ASPSCR1: variants seen among roughly 807,000 people sequenced by gnomAD.
The protein encoded by ASPSCR1 is ASPSCR1 tether for SLC2A4, UBX domain containing.
In ASPSCR1, 55 loss-of-function variants were observed where a neutral mutation model predicts 68.9. The observed-to-expected ratio is 0.80, with a 90% CI of 0.64 to 1.00. The LOEUF (loss-of-function observed/expected upper bound fraction) is 1.00, where lower values mean the gene tolerates loss of function less well. Among genes scored for constraint, ASPSCR1 ranks in the 50% least tolerant of loss-of-function variants. ASPSCR1 has a pLI of 0.00. For synonymous variants in ASPSCR1, 352 were observed against 332.6 expected (o/e 1.06, Z -0.63); for missense variants, 765 against 762.2 (o/e 1.00, Z -0.04).
At chr17:81,995,629 C>A in intron 5 of ASPSCR1, 1 of 447,836 alleles carries the variant, frequency 2.2e-6, no homozygotes, top group Non-Finnish European at 4.1e-6. Flanking sequence ...TGGCCACCCC[C>A]GTGGGTGACA....
At chr17:81,989,584 G>C (rs1237811489) in intron 4 of ASPSCR1, among the ~76,000 whole-genome samples, 1 of 152,218 alleles carries the variant, frequency 6.6e-6, no homozygotes, top group African/African-American at 2.4e-5. Context: ...GAGGCTGGGG[G>C]CTGCAGGCCT....
chr17:82,005,688 T>A (rs989523825), intron 7 of ASPSCR1: 1 of 152,296 alleles, frequency 6.6e-6, no homozygotes, highest in African/African-American at 2.4e-5. Flanking sequence ...GACAGTGGTA[T>A]GGCATCCAGT....
intron 5 of ASPSCR1, chr17:81,995,303 G>A (rs949332624): frequency 1.7e-5 from 6 of 358,080 alleles, no homozygotes; most frequent in African/African-American, 4.2e-5. Context: ...GCACTGGCCC[G>A]GAGGGGCCCT....
In ASPSCR1 at chr17:81,996,514, C is replaced by T. The variant is rs1277618403; in HGVS notation, c.601C>T (p.Pro201Ser). ...CCAGGCAGCCGCCAGCGCTCCACTTCCCTTGGAATCTGGGGAGCTCAGCCG... is the reference window on the plus strand; with the variant it reads ...CCAGGCAGCCGCCAGCGCTCCACTTTCCTTGGAATCTGGGGAGCTCAGCCG... ...AGQAAASAPL[P>S]LESGELSRGD... The change falls in exon 7 of 16, where the codon CCC becomes TCC. Residue 201 changes from proline (P) to serine (S), a missense_variant. Coordinates refer to ENST00000306739, the MANE Select transcript of ASPSCR1 (RefSeq NM_024083.4). The T allele has an allele frequency of 6.2e-7, 1 of 1,612,768 alleles. No homozygotes were observed. Among genetic ancestry groups the T allele is most frequent in the Non-Finnish European group, 8.5e-7 (1 of 1,179,676 alleles).
chr17:82,009,183 G>A lies in ASPSCR1; in HGVS notation c.1080G>A (p.Lys360=). 1 of 1,607,230 alleles carries A rather than the reference G, an allele frequency of 6.2e-7. No individual in the cohort carries two copies. The highest frequency in any genetic ancestry group is 8.5e-7 in the Non-Finnish European group (1 of 1,176,764). ...DDVRRRLAQL[K]SERKRLEEAP... is the part of the protein sequence containing the mutation. ...TGAGAAGACGCTTGGCCCAGCTCAA[G>A]AGTGAGCGGTGGGTGCCCCCTCAGT... is the stretch of plus-strand genomic sequence containing the variant. Residue 360 remains lysine (K), a synonymous_variant, in exon 8 of 16, where the codon AAG becomes AAA. Coordinates refer to ENST00000306739, the MANE Select transcript of ASPSCR1 (RefSeq NM_024083.4).
Position 81,987,968 on chromosome 17 carries a change from G to GC in ASPSCR1, c.374+2363dup, listed in dbSNP as rs1199577621. Among the ~76,000 whole-genome samples, 1 of 151,928 alleles carries GC rather than the reference G, an allele frequency of 6.6e-6. No individual in the cohort carries two copies. Among genetic ancestry groups the GC allele is most frequent in the African/African-American group, 2.4e-5 (1 of 41,360 alleles). On this transcript the variant is annotated intron_variant, in intron 4 of 15. Coordinates refer to ENST00000306739, the MANE Select transcript of ASPSCR1 (RefSeq NM_024083.4). The surrounding 1 kb of genome is among the most constrained non-coding windows in gnomAD (Gnocchi z 5.6). Reference sequence around the variant, plus strand: ...AGGTCAGGAGTTCGAGACCAGCCTGGCCAATATGGTGAAACTCCATCTCTA... The same window carrying GC: ...AGGTCAGGAGTTCGAGACCAGCCTGGCCCAATATGGTGAAACTCCATCTCTA...
chr17:81,990,506 C>T lies in ASPSCR1; in HGVS notation c.375-4315C>T, dbSNP rs1216364074. ...CTGTGTCTGAGTTTGGGATCTTCCACGCCGAGCTCTGGGGGACACTGCTCT... is the reference window on the plus strand; with the variant it reads ...CTGTGTCTGAGTTTGGGATCTTCCATGCCGAGCTCTGGGGGACACTGCTCT... On this transcript the variant is annotated intron_variant, in intron 4 of 15. Transcript: ENST00000306739. This position sits in a 1 kb window ranked among gnomAD's most constrained non-coding sequence, Gnocchi z 4.1. Among the ~76,000 whole-genome samples the T allele has an allele frequency of 6.6e-5, 10 of 151,246 alleles. No homozygotes were observed. Among genetic ancestry groups the T allele is most frequent in the Admixed American group, 3.3e-4 (5 of 15,196 alleles).
intron 4 of ASPSCR1, among the ~76,000 whole-genome samples, chr17:81,985,907 G>A (rs2041979200): frequency 6.6e-6 from 1 of 151,980 alleles, no homozygotes; most frequent in African/African-American, 2.4e-5. Context: ...AGCACTAAGG[G>A]GAGACGTTCG....
At chr17:82,013,059 C>T (rs1419366842) in intron 12 of ASPSCR1, 1 of 152,148 alleles carries the variant, frequency 6.6e-6, no homozygotes, top group Non-Finnish European at 1.5e-5. Flanking sequence ...AGGTGAGAAG[C>T]TTGCTCACTG....
intron 9 of ASPSCR1, chr17:82,010,049 T>G (rs2042868733): frequency 2.9e-6 from 1 of 342,558 alleles, no homozygotes. Context: ...AGCTGGGATT[T>G]CAGGTACCCG....
intron 4 of ASPSCR1, among the ~76,000 whole-genome samples, chr17:81,993,776 C>A (rs1223666358): frequency 6.6e-6 from 1 of 152,386 alleles, no homozygotes. Context: ...TAATCTTTAT[C>A]CCCTGTGTTC....
At chr17:81,978,157 C>G (rs2041672444) in intron 1 of ASPSCR1, 1 of 155,260 alleles carries the variant, frequency 6.4e-6, no homozygotes. Context: ...GCCGTGGGGC[C>G]TGGAAGCGAT....
chr17:81,990,157 C>T lies in ASPSCR1; in HGVS notation c.374+4550C>T, dbSNP rs2042114258. Among the ~76,000 whole-genome samples the T allele has an allele frequency of 6.6e-6, 1 of 152,214 alleles. No homozygotes were observed. The highest frequency in any genetic ancestry group is 1.5e-5 in the Non-Finnish European group (1 of 68,048). On this transcript the variant is annotated intron_variant, in intron 4 of 15. Transcript: ENST00000306739. This position sits in a 1 kb window ranked among gnomAD's most constrained non-coding sequence, Gnocchi z 4.1. ...ATTTTAGTAATACGTGTAGTTAACT[C>T]AGTATACCCAAAATACGACTTCCTG...
At position 81,996,437 on chromosome 17, in the gene ASPSCR1, A is replaced by G. The variant is rs763824695; in HGVS notation, c.524A>G (p.Tyr175Cys). Residue 175 changes from tyrosine (Y) to cysteine (C), a missense_variant, in exon 7 of 16, where the codon TAC (tyrosine) becomes TGC (cysteine). Tyr to Cys is a radical substitution (Grantham distance 194). Coordinates refer to ENST00000306739, the MANE Select transcript of ASPSCR1 (RefSeq NM_024083.4). The part of the protein sequence containing the change: ...SATIRFVMKC[Y>C]DPVGKTPGSL... The stretch of plus-strand genomic sequence containing the variant: ...CCACTCAGGTTTGTCATGAAGTGCT[A>G]CGACCCCGTGGGCAAGACCCCAGGA... 4 of 1,597,820 alleles carry G rather than the reference A, an allele frequency of 2.5e-6. No homozygotes were observed. In the Admixed American group the frequency reaches 5.1e-5, roughly 21 times the overall value.
chr17:82,011,433 C>T (rs2042937692), intron 10 of ASPSCR1, 110 bp from the exon 11 acceptor site: 7 of 1,076,564 alleles, frequency 6.5e-6, no homozygotes, highest in South Asian at 6.4e-5. Flanking sequence ...GCTGAATTCC[C>T]ACCCCTCGGG....
rs187738018 is a variant in ASPSCR1, at chr17:81,993,358, C to T, written c.375-1463C>T. 2.5e-3 allele frequency among the ~76,000 whole-genome samples: 373 copies of T among 152,232 alleles called. 1 individual carries two copies. The highest frequency in any genetic ancestry group is 8.6e-3 in the African/African-American group (355 of 41,518). ...CCTCCCGAGTAGCTGGGACCACAGG[C>T]GCCCGCCACCACGCCTGGCTAATTT... On this transcript the variant is annotated intron_variant, in intron 4 of 15. Transcript: ENST00000306739.
intron 1 of ASPSCR1, 110 bp from the exon 2 acceptor site, chr17:81,979,074 G>A: frequency 8.4e-7 from 1 of 1,190,642 alleles, no homozygotes; most frequent in Non-Finnish European, 1.2e-6. Context: ...CTTTGCCTGG[G>A]CAGAGCCACC....
chr17:81,999,256 A>G lies in ASPSCR1; in HGVS notation c.933+2410A>G, dbSNP rs2042451148. On this transcript the variant is annotated intron_variant, in intron 7 of 15. Transcript: ENST00000306739. The surrounding 1 kb of genome is among the most constrained non-coding windows in gnomAD (Gnocchi z 4.4). The stretch of plus-strand genomic sequence containing the variant: ...CCAGCCACAGCCCAGGGGCCAGGTC[A>G]GAGCTTCTTGAGCTCCTGCTGACGT... 6.6e-6 allele frequency among the ~76,000 whole-genome samples: 1 copy of G among 152,218 alleles called. No individual in the cohort carries two copies. Among genetic ancestry groups the G allele is most frequent in the African/African-American group, 2.4e-5 (1 of 41,460 alleles).
intron 4 of ASPSCR1, among the ~76,000 whole-genome samples, chr17:81,991,113 C>T (rs2042146717): frequency 1.3e-5 from 2 of 152,148 alleles, no homozygotes; most frequent in African/African-American, 4.8e-5. Flanking sequence ...GCAGCTGAGC[C>T]GCTTTCCATC....
Sources: gnomAD v4.1 joint callset for allele counts (sites outside exome capture counted in the v4.1 genomes callset) on GRCh38, gnomAD v4.1.1 for gene constraint, Gnocchi (gnomAD v3.1) non-coding constraint, MANE v1.5 for transcripts, NCBI Gene and HGNC (gene_info 2026-07-23, HGNC 2026-07-21) for gene names.